The following KCND2 variants were observed in gnomAD, a reference collection of about 807,000 sequenced individuals.
The protein encoded by KCND2 is A-type voltage-gated potassium channel KCND2.
Under a neutral mutation model 54.4 loss-of-function variants are expected in KCND2, and 16 were observed. The ratio of observed to expected loss-of-function variants is 0.29; its 90% CI spans 0.20 to 0.45. The LOEUF is 0.45. Among genes scored for constraint, KCND2 ranks in the 20% least tolerant of loss-of-function variants. KCND2 has a pLI of 1.00. For synonymous variants in KCND2, 317 were observed against 310.7 expected, an observed-to-expected ratio of 1.02 and a Z score of -0.21; for missense variants, 486 against 824.2, an observed-to-expected ratio of 0.59 and a Z score of 5.02.
chr7:120,607,518 A>G (rs565238923), intron 1 of KCND2, among the ~76,000 whole-genome samples: 18 of 152,174 alleles, frequency 1.2e-4, no homozygotes, highest in Non-Finnish European at 2.2e-4. Context: ...TCAGCTAAAT[A>G]TTCATTCATC....
At chr7:120,467,896 C>T (rs1293424838) in intron 1 of KCND2, among the ~76,000 whole-genome samples, 2 of 151,992 alleles carry the variant, frequency 1.3e-5, no homozygotes, top group Non-Finnish European at 2.9e-5. Context: ...CCATCTGGAA[C>T]ATAAATCCAT....
At chr7:120,734,739 T>A (rs10251949) in intron 2 of KCND2, among the ~76,000 whole-genome samples, 20,447 of 152,124 alleles carry the variant, frequency 0.13, 3,120 homozygotes, top group African/African-American at 0.38. Flanking sequence ...TTAAGGATAG[T>A]TTCATTTTTT....
intron 1 of KCND2, among the ~76,000 whole-genome samples, chr7:120,598,305 A>G (rs1487526482): frequency 1.3e-5 from 2 of 152,128 alleles, no homozygotes; most frequent in East Asian, 3.9e-4. Flanking sequence ...ATGGAAATAT[A>G]TTACTGCTCA....
At chr7:120,577,542 C>T (rs1414825865) in intron 1 of KCND2, among the ~76,000 whole-genome samples, 3 of 147,214 alleles carry the variant, frequency 2.0e-5, no homozygotes, top group Admixed American at 1.3e-4. Context: ...TGGACTCAAA[C>T]GACAACAACA....
chr7:120,733,080 C>A lies in KCND2; in HGVS notation c.1278+15C>A. The A allele has an allele frequency of 6.2e-7, 1 of 1,613,018 alleles. No individual in the cohort carries two copies. Among genetic ancestry groups the A allele is most frequent in the African/African-American group, 1.3e-5 (1 of 74,982 alleles). On this transcript the variant is annotated intron_variant, in intron 2 of 5. Transcript: ENST00000331113. ...GGGCACAAAAGGTGCGTATTCAACT[C>A]CGTGCAACCATGGTTTAGCACTTCC... is the stretch of plus-strand genomic sequence containing the variant.
chr7:120,538,830 T>C (rs1322642545), intron 1 of KCND2, among the ~76,000 whole-genome samples: 1 of 152,192 alleles, frequency 6.6e-6, no homozygotes, highest in Admixed American at 6.5e-5. Context: ...AGAAGGGCCC[T>C]GTATTCACCT....
intron 1 of KCND2, among the ~76,000 whole-genome samples, chr7:120,421,878 T>G (rs1241020137): frequency 6.6e-6 from 1 of 152,000 alleles, no homozygotes; most frequent in Admixed American, 6.6e-5. Context: ...GAAAGAAAAG[T>G]GTTCGGAGCT....
intron 1 of KCND2, among the ~76,000 whole-genome samples, chr7:120,676,805 A>G (rs895593390): frequency 2.0e-5 from 3 of 152,178 alleles, no homozygotes; most frequent in African/African-American, 4.8e-5. Flanking sequence ...AATGACCAAA[A>G]TGCTAACTAA....
intron 1 of KCND2, among the ~76,000 whole-genome samples, chr7:120,291,189 G>GA (rs1452453810): frequency 6.6e-6 from 1 of 151,814 alleles, no homozygotes; most frequent in African/African-American, 2.4e-5. Flanking sequence ...AAATAAAAAT[G>GA]AAAAAATTAT....
At chr7:120,285,313 C>G (rs1358364134) in intron 1 of KCND2, among the ~76,000 whole-genome samples, 1 of 151,976 alleles carries the variant, frequency 6.6e-6, no homozygotes, top group Non-Finnish European at 1.5e-5. Flanking sequence ...TCTCACAAGA[C>G]TAGTTTACTT....
chr7:120,306,658 A>G (rs904830883), intron 1 of KCND2, among the ~76,000 whole-genome samples: 3 of 151,960 alleles, frequency 2.0e-5, no homozygotes, highest in African/African-American at 7.2e-5. Context: ...TTCCTCAAAA[A>G]CTTTCTCTAT....
chr7:120,426,490 C>T (rs1262382808), intron 1 of KCND2, among the ~76,000 whole-genome samples: 1 of 152,040 alleles, frequency 6.6e-6, no homozygotes, highest in Non-Finnish European at 1.5e-5. Flanking sequence ...AATGTTTAAA[C>T]CACATTTCCA....
At chr7:120,638,323 A>G (rs1263299978) in intron 1 of KCND2, among the ~76,000 whole-genome samples, 1 of 152,156 alleles carries the variant, frequency 6.6e-6, no homozygotes, top group Non-Finnish European at 1.5e-5. Flanking sequence ...TCTGTAAGGC[A>G]CACTGAACCA....
chr7:120,678,738 GTATATATATATATATATA>G (rs66483423), intron 1 of KCND2, among the ~76,000 whole-genome samples: 9,166 of 115,792 alleles, frequency 0.079, 730 homozygotes, highest in African/African-American at 0.2. Flanking sequence ...GTGTGTGAGT[GTATATATATATATATATA>G]TATATATATA....
chr7:120,421,694 T>C (rs548919311), intron 1 of KCND2, among the ~76,000 whole-genome samples: 15 of 152,342 alleles, frequency 9.8e-5, no homozygotes, highest in African/African-American at 3.6e-4. Context: ...ACTCCCAGAG[T>C]TTGATTTATA....
At chr7:120,294,764 T>C (rs1799484602) in intron 1 of KCND2, among the ~76,000 whole-genome samples, 1 of 151,904 alleles carries the variant, frequency 6.6e-6, no homozygotes, top group Admixed American at 6.6e-5. Context: ...ATTCATCTTA[T>C]TGTATGTTTA....
Position 120,390,139 on chromosome 7 carries a change from CT to C in KCND2, c.1115+114393del, listed in dbSNP as rs565174375. ...CCATAAATATAGTATGTCCTAGCTA[CT>C]AATGGAAACATGAAAATAAATAAGA... is the stretch of plus-strand genomic sequence containing the variant. On this transcript the variant is annotated intron_variant, in intron 1 of 5. Transcript: ENST00000331113. Among the ~76,000 whole-genome samples, 44 of 151,684 alleles carry C rather than the reference CT, an allele frequency of 2.9e-4. No homozygotes were observed. In the East Asian group the frequency reaches 7.8e-3, roughly 27 times the overall value.
chr7:120,458,093 A>G (rs1802226639), intron 1 of KCND2, among the ~76,000 whole-genome samples: 1 of 152,128 alleles, frequency 6.6e-6, no homozygotes, highest in African/African-American at 2.4e-5. Flanking sequence ...AGAACATAAA[A>G]CAATTGAGAT....
intron 1 of KCND2, among the ~76,000 whole-genome samples, chr7:120,384,214 C>A (rs547231521): frequency 6.6e-6 from 1 of 151,860 alleles, no homozygotes; most frequent in South Asian, 2.1e-4. Flanking sequence ...TTTTTTCCCC[C>A]CCAAATATTT....
Sources: allele counts gnomAD v4.1 joint callset (sites outside exome capture counted in the v4.1 genomes callset), GRCh38; gene constraint gnomAD v4.1.1; transcripts MANE v1.5; gene names NCBI Gene and HGNC (gene_info 2026-07-23, HGNC 2026-07-21).